The following OTULINL variants were observed in gnomAD, a reference collection of about 807,000 sequenced individuals.
OTULINL encodes the protein inactive ubiquitin thioesterase OTULINL.
In OTULINL, 42 loss-of-function variants were observed where a neutral mutation model predicts 43.9. The ratio of observed to expected loss-of-function variants is 0.96; its 90% CI spans 0.75 to 1.24. The LOEUF is 1.24. Ranked by LOEUF, OTULINL falls within the 50% of genes most tolerant of loss-of-function variation. The pLI is 0.00. For missense variants in OTULINL, 411 were observed against 426.4 expected, an observed-to-expected ratio of 0.96 and a Z score of 0.32; for synonymous variants, 172 against 153.6, an observed-to-expected ratio of 1.12 and a Z score of -0.88.
chr5:14,582,026 C>T, intron 1 of OTULINL, 68 bp downstream of exon 1: 1 of 1,107,822 alleles, frequency 9.0e-7, no homozygotes, highest in African/African-American at 1.6e-5. Flanking sequence ...GGCGGGGTCG[C>T]AGGCAGCCAG....
chr5:14,610,234 C>T lies in OTULINL; in HGVS notation c.991C>T (p.Pro331Ser), dbSNP rs886733662. The change falls in exon 8 of 8, where the codon CCA becomes TCA. Residue 331 changes from proline (P) to serine (S), a missense_variant. Pro to Ser is a moderately conservative substitution (Grantham distance 74). Coordinates refer to ENST00000274217, the MANE Select transcript of OTULINL (RefSeq NM_019018.3). ...CTCCAGAGACTTTGAAGTCTGCTAC[C>T]CAGAGGAGCCTCTCAGGGACTGGCC... is the stretch of plus-strand genomic sequence containing the variant. ...FNSRDFEVCYPEEPLRDWPEI... is the reference protein window; with the variant it reads ...FNSRDFEVCYSEEPLRDWPEI... 1.2e-6 allele frequency: 2 copies of T among 1,613,966 alleles called. No individual in the cohort carries two copies. The highest frequency in any genetic ancestry group is 1.7e-6 in the Non-Finnish European group (2 of 1,179,988).
rs187810978 is a variant in OTULINL at position 14,610,865 on chromosome 5, T to G, written c.*551T>G. 39 of 153,250 alleles carry G rather than the reference T, an allele frequency of 2.5e-4. No homozygotes were observed. Among genetic ancestry groups the G allele is most frequent in the African/African-American group, 9.4e-4 (39 of 41,584 alleles). The allele number at this position is 153,250 out of a possible 1,614,324, so 9.5% of individuals were successfully genotyped here. On this transcript the variant is annotated 3_prime_UTR_variant, in exon 8 of 8. Coordinates refer to ENST00000274217, the MANE Select transcript of OTULINL (RefSeq NM_019018.3). ...GTATATATACATATGTATGTTTATA[T>G]ACACACATGTATCTGTATAGTTTTA...
At chr5:14,600,874 A>T in intron 1 of OTULINL, 91 bp from the exon 2 acceptor site, 1 of 1,124,142 alleles carries the variant, frequency 8.9e-7, no homozygotes, top group Admixed American at 3.6e-5. Context: ...AGGTAAAATT[A>T]TGCAATCTCT....
In OTULINL at chr5:14,581,818, G is replaced by C. The variant is rs1426633961; in HGVS notation, c.-77G>C. 3 of 1,199,294 alleles carry C rather than the reference G, an allele frequency of 2.5e-6. No individual in the cohort carries two copies. The highest frequency in any genetic ancestry group is 3.2e-6 in the Non-Finnish European group (3 of 944,648). 74.3% of individuals were successfully genotyped at this position (1,199,294 alleles called of 1,614,324 possible). A position where few individuals can be genotyped will look rare whatever the true frequency, so the allele number is the denominator to read the frequency against. On this transcript the variant is annotated 5_prime_UTR_variant, in exon 1 of 8. Coordinates refer to ENST00000274217, the MANE Select transcript of OTULINL (RefSeq NM_019018.3). ...CCTCAGGGAAGCGAGCCCGGGCGCC[G>C]GCGGGCGGCCGTCGCGTCTGACAGA...
At chr5:14,587,583 A>G (rs1446057014) in intron 1 of OTULINL, among the ~76,000 whole-genome samples, 1 of 152,254 alleles carries the variant, frequency 6.6e-6, no homozygotes, top group Non-Finnish European at 1.5e-5. Flanking sequence ...TGGGTCCCAC[A>G]GTTTTGTACC....
At chr5:14,596,952 A>T (rs1759298079) in intron 1 of OTULINL, among the ~76,000 whole-genome samples, 1 of 152,152 alleles carries the variant, frequency 6.6e-6, no homozygotes, top group African/African-American at 2.4e-5. Context: ...TCCAATCATC[A>T]TATGAATTTT....
Position 14,590,914 on chromosome 5 carries a change from G to A in OTULINL, c.64+8956G>A, listed in dbSNP as rs574761335. 5.3e-5 allele frequency among the ~76,000 whole-genome samples: 8 copies of A among 152,044 alleles called. No individual in the cohort carries two copies. In the East Asian group the frequency reaches 7.7e-4, roughly 15 times the overall value. On this transcript the variant is annotated intron_variant, in intron 1 of 7. Transcript: ENST00000274217. The stretch of plus-strand genomic sequence containing the variant: ...AAAGCCATGGAAAGAGTTTTACATT[G>A]TAAAGAGTTTTGCATTGTAAAGAGT...
rs1483133228 is a variant in OTULINL, at chr5:14,614,872, C to T, written c.*4558C>T. 2.5e-6 allele frequency: 1 copy of T among 397,406 alleles called. No homozygotes were observed. The highest frequency in any genetic ancestry group is 2.1e-5 in the African/African-American group (1 of 48,634). The allele number at this position is 397,406 out of a possible 1,614,324, so 24.6% of individuals were successfully genotyped here. ...TAATTGACGTATTGGTCCTTATAGT[C>T]AGTACCATCAGGTCTTAGATTGTTA... On this transcript the variant is annotated 3_prime_UTR_variant, in exon 8 of 8. Transcript: ENST00000274217.
intron 1 of OTULINL, among the ~76,000 whole-genome samples, chr5:14,586,678 A>G (rs182675416): frequency 1.5e-4 from 23 of 152,274 alleles, no homozygotes; most frequent in African/African-American, 4.3e-4. Flanking sequence ...ATTAATGAAT[A>G]TTAGGGTGAG....
chr5:14,591,076 G>A (rs1759193199), intron 1 of OTULINL, among the ~76,000 whole-genome samples: 1 of 152,174 alleles, frequency 6.6e-6, no homozygotes, highest in Admixed American at 6.5e-5. Flanking sequence ...AAATGATTCT[G>A]AGTAATGGAA....
rs1271537223 is a variant in OTULINL at position 14,607,377 on chromosome 5, G to A, written c.546G>A (p.Gln182=). 3.7e-6 allele frequency: 6 copies of A among 1,614,172 alleles called. No individual in the cohort carries two copies. The East Asian group carries it at 6.7e-5, about 18-fold the overall frequency. The part of the protein sequence containing the change: ...LFSQGCNWIQ[Q]YSFGPEKYTG... The stretch of plus-strand genomic sequence containing the variant: ...CACAAGGTTGTAATTGGATTCAGCA[G>A]TACAGTTTTGGTCCTGAGAAGTATA... Residue 182 remains glutamine, a synonymous_variant, in exon 6 of 8, where the codon CAG becomes CAA. Transcript: ENST00000274217.
intron 5 of OTULINL, among the ~76,000 whole-genome samples, chr5:14,603,880 T>G (rs1233542133): frequency 1.3e-5 from 2 of 152,198 alleles, no homozygotes; most frequent in African/African-American, 2.4e-5. Context: ...CAAAGAAATA[T>G]AAAATATGTG....
At chr5:14,602,414 A>G in intron 5 of OTULINL, 82 bp downstream of exon 5, 1 of 1,308,194 alleles carries the variant, frequency 7.6e-7, no homozygotes, top group East Asian at 2.3e-5. Context: ...GGGGCTTTGT[A>G]CTCAGATGAC....
Position 14,593,768 on chromosome 5 carries a change from A to G in OTULINL, c.65-7197A>G, listed in dbSNP as rs73046723. Among the ~76,000 whole-genome samples the G allele has an allele frequency of 7.4e-3, 1,133 of 152,210 alleles. 16 individuals carry two copies. Among genetic ancestry groups the G allele is most frequent in the African/African-American group, 0.026 (1,083 of 41,492 alleles). ...TGTTACTAAAGAAAACACACACACAATCCTCTCAGTGTTTGGCCAGGAGCA... is the reference window on the plus strand; with the variant it reads ...TGTTACTAAAGAAAACACACACACAGTCCTCTCAGTGTTTGGCCAGGAGCA... On this transcript the variant is annotated intron_variant, in intron 1 of 7. Transcript: ENST00000274217.
intron 1 of OTULINL, among the ~76,000 whole-genome samples, chr5:14,594,195 C>T (rs1759250014): frequency 6.6e-6 from 1 of 152,198 alleles, no homozygotes. Flanking sequence ...TAAACTTACT[C>T]TTTCACACTG....
chr5:14,593,181 A>G (rs556951331), intron 1 of OTULINL, among the ~76,000 whole-genome samples: 1 of 152,184 alleles, frequency 6.6e-6, no homozygotes, highest in African/African-American at 2.4e-5. Flanking sequence ...ATCAAAGTTG[A>G]TCAATAAAGA....
chr5:14,610,698 A>T lies in OTULINL; in HGVS notation c.*384A>T, dbSNP rs1759567039. 6.3e-6 allele frequency: 1 copy of T among 159,374 alleles called. No individual in the cohort carries two copies. The highest frequency in any genetic ancestry group is 1.4e-5 in the Non-Finnish European group (1 of 72,324). 9.9% of individuals were successfully genotyped at this position (159,374 alleles called of 1,614,324 possible). Reference sequence around the variant, plus strand: ...AATTTCTTTAACCTTTATGTTCTTCATTAAAAATCTTATCTTGGACTGATT... The same window carrying T: ...AATTTCTTTAACCTTTATGTTCTTCTTTAAAAATCTTATCTTGGACTGATT... On this transcript the variant is annotated 3_prime_UTR_variant, in exon 8 of 8. Transcript: ENST00000274217.
At chr5:14,587,780 A>G (rs1759132304) in intron 1 of OTULINL, among the ~76,000 whole-genome samples, 1 of 152,190 alleles carries the variant, frequency 6.6e-6, no homozygotes, top group Non-Finnish European at 1.5e-5. Flanking sequence ...GAGGACTTGC[A>G]GAGTCTGTGC....
At chr5:14,582,633 G>A (rs1759029006) in intron 1 of OTULINL, among the ~76,000 whole-genome samples, 1 of 151,950 alleles carries the variant, frequency 6.6e-6, no homozygotes, top group Non-Finnish European at 1.5e-5. Flanking sequence ...GGCCAGCATA[G>A]TGAAACCTTG....
Sources: gnomAD v4.1 joint callset for allele counts (sites outside exome capture counted in the v4.1 genomes callset) on GRCh38, gnomAD v4.1.1 for gene constraint, MANE v1.5 for transcripts, NCBI Gene and HGNC (gene_info 2026-07-23, HGNC 2026-07-21) for gene names.